TMPRSS7: variants seen among roughly 807,000 people sequenced by gnomAD.
TMPRSS7 encodes transmembrane protease serine 7.
TMPRSS7 carries 81 observed loss-of-function variants against 95.6 expected under a neutral mutation model. That is an observed-to-expected ratio of 0.85 (90% confidence interval 0.71 to 1.02). The LOEUF (loss-of-function observed/expected upper bound fraction) is 1.02, where lower values mean the gene tolerates loss of function less well. TMPRSS7 is among the 50% of genes least tolerant of loss of function. The probability of loss-of-function intolerance (pLI) is 0.00; values close to 1 mark genes in which losing one functional copy is unlikely to be tolerated. For missense variants in TMPRSS7, 945 were observed against 955.2 expected, an observed-to-expected ratio of 0.99 and a Z score of 0.14; for synonymous variants, 364 against 337.8, an observed-to-expected ratio of 1.08 and a Z score of -0.85.
intron 11 of TMPRSS7, among the ~76,000 whole-genome samples, chr3:112,063,196 G>A (rs1315740198): frequency 6.6e-6 from 1 of 152,160 alleles, no homozygotes; most frequent in Non-Finnish European, 1.5e-5. Context: ...CCTTAGGTAT[G>A]TTCCAACTTT....
Position 112,080,939 on chromosome 3 carries a change from G to A in TMPRSS7, c.2387G>A (p.Cys796Tyr), listed in dbSNP as rs1287767600. Residue 796 changes from cysteine to tyrosine, a missense_variant, in exon 18 of 18, where the codon TGT (cysteine) becomes TAT (tyrosine). Physicochemically the swap from Cys to Tyr is radical, Grantham distance 194. Coordinates refer to ENST00000452346, the Ensembl canonical transcript of TMPRSS7. The stretch of plus-strand genomic sequence containing the variant: ...GGAGATTCGGGTGGACCTTTATCTT[G>A]TCGAAGAAAAAGTGATGGAAAATGG... The A allele has an allele frequency of 2.5e-6, 4 of 1,613,628 alleles. No individual in the cohort carries two copies. In the South Asian group the frequency reaches 4.4e-5, roughly 18 times the overall value.
intron 2 of TMPRSS7, among the ~76,000 whole-genome samples, chr3:112,038,776 C>G (rs892779037): frequency 6.6e-6 from 1 of 152,138 alleles, no homozygotes; most frequent in Non-Finnish European, 1.5e-5. Flanking sequence ...ACCATGGTGC[C>G]CGGCCTGGTG....
intron 16 of TMPRSS7, among the ~76,000 whole-genome samples, chr3:112,077,784 C>A (rs1373570303): frequency 6.6e-6 from 1 of 152,210 alleles, no homozygotes; most frequent in Non-Finnish European, 1.5e-5. Flanking sequence ...GAAGTCCCTA[C>A]ATCTACCCTG....
exon 4 of TMPRSS7, chr3:112,044,260 C>G (rs1469609000): frequency 1.3e-6 from 2 of 1,549,316 alleles, no homozygotes. Flanking sequence ...TTCAGATAAA[C>G]CTGGTTTATA....
intron 3 of TMPRSS7, among the ~76,000 whole-genome samples, chr3:112,043,965 C>A (rs1053802911): frequency 2.6e-5 from 4 of 152,092 alleles, no homozygotes; most frequent in Non-Finnish European, 5.9e-5. Flanking sequence ...GGAAAATTAA[C>A]CTTTGCAGTG....
chr3:112,041,827 A>C (rs1214438731), intron 2 of TMPRSS7, 93 bp from the exon 3 acceptor site: 6 of 815,800 alleles, frequency 7.4e-6, no homozygotes, highest in Non-Finnish European at 9.8e-6. Flanking sequence ...AAATAAAATT[A>C]TTTTAGGAGC....
intron 16 of TMPRSS7, 52 bp from the exon 17 acceptor site, chr3:112,078,690 T>C: frequency 1.2e-6 from 2 of 1,609,290 alleles, no homozygotes; most frequent in Non-Finnish European, 1.7e-6. Context: ...AAGTCCTGAA[T>C]ACATGCGGCC....
chr3:112,068,351 T>C (rs945903257), intron 13 of TMPRSS7, among the ~76,000 whole-genome samples: 10 of 152,206 alleles, frequency 6.6e-5, no homozygotes, highest in African/African-American at 2.4e-4. Context: ...TGTTTTCCAG[T>C]TCTGCGAAGA....
chr3:112,035,222 A>G (rs1026441450), intron 1 of TMPRSS7, among the ~76,000 whole-genome samples: 3 of 152,206 alleles, frequency 2.0e-5, no homozygotes, highest in Non-Finnish European at 4.4e-5. Flanking sequence ...TCAGTTCAAC[A>G]TGTACTGGCA....
At position 112,077,064 on chromosome 3, in the gene TMPRSS7, TA is replaced by T; in HGVS notation, c.2145del (p.Cys716AlafsTer17). On this transcript the variant is annotated frameshift_variant, in exon 16 of 18. Coordinates refer to ENST00000452346, the Ensembl canonical transcript of TMPRSS7. LOFTEE classifies it high-confidence loss of function. ...ACCCTGAAACAGCTCATTCAGCCAA[TA>T]TGCATTCCTCCCACTGGTCAGAGAG... 1 of 1,614,174 alleles carries T rather than the reference TA, an allele frequency of 6.2e-7. No homozygotes were observed. Among genetic ancestry groups the T allele is most frequent in the Non-Finnish European group, 8.5e-7 (1 of 1,180,022 alleles).
At chr3:112,075,074 A>G (rs1486881448) in intron 14 of TMPRSS7, among the ~76,000 whole-genome samples, 6 of 152,224 alleles carry the variant, frequency 3.9e-5, no homozygotes, top group Non-Finnish European at 8.8e-5. Flanking sequence ...TTCAGCTGTT[A>G]CAGCAGGTCC....
At chr3:112,056,642 TTATC>T (rs61118919) in intron 9 of TMPRSS7, among the ~76,000 whole-genome samples, 2,893 of 152,350 alleles carry the variant, frequency 0.019, 79 homozygotes, top group African/African-American at 0.065. Context: ...CATTTCTCCT[TTATC>T]TAAAGAATCT....
At chr3:112,057,062 A>G (rs367598117) in exon 10 of TMPRSS7, 32 of 1,613,164 alleles carry the variant, frequency 2.0e-5, no homozygotes, top group African/African-American at 8.0e-5. Context: ...CTGAAATTCT[A>G]TAACTATTCA....
exon 12 of TMPRSS7, chr3:112,063,599 G>T: frequency 1.2e-6 from 2 of 1,614,040 alleles, no homozygotes; most frequent in South Asian, 2.2e-5. Flanking sequence ...TGGAGTAAAT[G>T]ACTGCTTTGA....
chr3:112,035,018 T>C (rs968950975), intron 1 of TMPRSS7, 125 bp downstream of exon 1: 5 of 629,342 alleles, frequency 7.9e-6, no homozygotes, highest in Admixed American at 2.6e-5. Context: ...TATCTTCTTA[T>C]GGTAATTAAT....
At chr3:112,051,555 CTATCTATCTATG>C (rs1292314500) in intron 9 of TMPRSS7, among the ~76,000 whole-genome samples, 51 of 143,140 alleles carry the variant, frequency 3.6e-4, no homozygotes, top group African/African-American at 6.9e-4. Flanking sequence ...ATCTATCTAT[CTATCTATCTATG>C]TATCTATCTA....
intron 2 of TMPRSS7, among the ~76,000 whole-genome samples, chr3:112,038,778 G>A (rs934144820): frequency 1.4e-4 from 22 of 151,972 alleles, no homozygotes; most frequent in African/African-American, 4.8e-4. Context: ...CATGGTGCCC[G>A]GCCTGGTGTT....
intron 11 of TMPRSS7, among the ~76,000 whole-genome samples, 171 bp from the exon 12 acceptor site, chr3:112,063,354 T>C (rs777630452): frequency 1.7e-4 from 26 of 152,212 alleles, no homozygotes; most frequent in Non-Finnish European, 3.1e-4. Flanking sequence ...TGTGTTCCGC[T>C]TTTTTGTCTT....
chr3:112,075,311 TC>T lies in TMPRSS7; in HGVS notation c.1784-8del. The T allele has an allele frequency of 7.1e-7, 1 of 1,399,962 alleles. No individual in the cohort carries two copies. Among genetic ancestry groups the T allele is most frequent in the South Asian group, 1.8e-5 (1 of 56,492 alleles). 86.7% of individuals were successfully genotyped at this position (1,399,962 alleles called of 1,614,324 possible). ...CTACCTTTAAATCACATGCCCTTTC[TC>T]CACCAAAGCCTGCAGCAGGAGTTCC... On this transcript the variant is annotated splice_polypyrimidine_tract_variant and intron_variant, in intron 14 of 17. Transcript: ENST00000452346.
Sources: allele counts gnomAD v4.1 joint callset (sites outside exome capture counted in the v4.1 genomes callset), GRCh38; gene constraint gnomAD v4.1.1; transcripts MANE v1.5; gene names NCBI Gene and HGNC (gene_info 2026-07-23, HGNC 2026-07-21).